The following SRSF4 variants were observed in gnomAD, a reference collection of about 807,000 sequenced individuals.
The protein encoded by SRSF4 is serine/arginine-rich splicing factor 4.
SRSF4 carries 12 observed loss-of-function variants against 48.8 expected under a neutral mutation model. That is an observed-to-expected ratio of 0.25 (90% CI 0.16 to 0.40). The LOEUF is 0.40. Among genes scored for constraint, SRSF4 ranks in the 10% least tolerant of loss-of-function variants. The pLI is 1.00. For synonymous variants in SRSF4, 248 were observed against 232.5 expected, an observed-to-expected ratio of 1.07 and a Z score of -0.61; for missense variants, 466 against 667.1, an observed-to-expected ratio of 0.70 and a Z score of 3.32.
At chr1:29,170,686 T>C (rs1672734170) in intron 1 of SRSF4, 1 of 152,228 alleles carries the variant, frequency 6.6e-6, no homozygotes, top group Admixed American at 6.5e-5. Context: ...TCATTTCAAT[T>C]ACATGAAAAC....
chr1:29,155,054 A>G (rs1407070167), intron 3 of SRSF4, 144 bp from the exon 4 acceptor site: 7 of 741,568 alleles, frequency 9.4e-6, no homozygotes, highest in African/African-American at 7.1e-5. Flanking sequence ...CTACCCATCA[A>G]TCATGTACTG....
rs371486196 is a variant in SRSF4, at chr1:29,154,676, A to G, written c.578+20T>C. The G allele has an allele frequency of 2.4e-5, 38 of 1,611,932 alleles. No individual in the cohort carries two copies. In the African/African-American group the frequency reaches 4.8e-4, roughly 20 times the overall value. ...ATGAATTTATGATGAGCTCCAACAC[A>G]CAAAAGACATCAACAGTACCTTGAA... On this transcript the variant is annotated intron_variant, in intron 4 of 5. Coordinates refer to ENST00000373795, the MANE Select transcript of SRSF4 (RefSeq NM_005626.5).
chr1:29,166,892 C>G (rs1672676766), intron 1 of SRSF4: 1 of 152,268 alleles, frequency 6.6e-6, no homozygotes, highest in African/African-American at 2.4e-5. Context: ...ACAGCTCAGT[C>G]TGCACTTGAT....
intron 1 of SRSF4, among the ~76,000 whole-genome samples, chr1:29,177,637 G>A (rs1672890183): frequency 6.6e-6 from 1 of 151,970 alleles, no homozygotes; most frequent in South Asian, 2.1e-4. Flanking sequence ...GACCTTAATG[G>A]GAAATGGAAT....
intron 1 of SRSF4, among the ~76,000 whole-genome samples, chr1:29,173,739 C>T (rs369400014): frequency 6.6e-5 from 10 of 151,468 alleles, no homozygotes; most frequent in Admixed American, 2.6e-4. Context: ...TGTGAGCCAC[C>T]GCACCTGGTC....
At chr1:29,170,528 C>G (rs1289700969) in intron 1 of SRSF4, 1 of 152,204 alleles carries the variant, frequency 6.6e-6, no homozygotes, top group East Asian at 1.9e-4. Context: ...CTCATAATCG[C>G]CCCTGGTCCC....
chr1:29,161,087 C>T (rs929678742), intron 1 of SRSF4, among the ~76,000 whole-genome samples: 1 of 152,150 alleles, frequency 6.6e-6, no homozygotes, highest in African/African-American at 2.4e-5. Flanking sequence ...AAATTCATTT[C>T]CATGAAGTTT....
At chr1:29,159,545 A>C in intron 2 of SRSF4, 59 bp from the exon 3 acceptor site, 1 of 1,168,548 alleles carries the variant, frequency 8.6e-7, no homozygotes, top group Non-Finnish European at 1.3e-6. Context: ...AAAAAATGAC[A>C]CAGCACACAC....
At chr1:29,174,193 CA>C (rs773224579) in intron 1 of SRSF4, among the ~76,000 whole-genome samples, 60 of 78,858 alleles carry the variant, frequency 7.6e-4, no homozygotes, top group Admixed American at 7.6e-4. Flanking sequence ...GACCCCATCT[CA>C]AAAAAAAAAA....
intron 2 of SRSF4, 68 bp downstream of exon 2, chr1:29,160,307 A>G (rs2151815978): frequency 1.3e-6 from 2 of 1,493,034 alleles, no homozygotes; most frequent in East Asian, 4.9e-5. Context: ...ATATCAATTA[A>G]TTACTTTAAA....
Position 29,181,831 on chromosome 1 carries a change from G to C in SRSF4, c.-79C>G. 1 of 1,177,256 alleles carries C rather than the reference G, an allele frequency of 8.5e-7. No homozygotes were observed. The highest frequency in any genetic ancestry group is 1.1e-6 in the Non-Finnish European group (1 of 904,318). The allele number at this position is 1,177,256 out of a possible 1,614,324, so 72.9% of individuals were successfully genotyped here. A position where few individuals can be genotyped will look rare whatever the true frequency, so the allele number is the denominator to read the frequency against. On this transcript the variant is annotated 5_prime_UTR_variant, in exon 1 of 6. Coordinates refer to ENST00000373795, the MANE Select transcript of SRSF4 (RefSeq NM_005626.5). ...CGGGCAAAGCGAGAGCACGGCGGCA[G>C]CGGCGGCGGCGGCAACGGGCGGGCG...
intron 1 of SRSF4, chr1:29,171,853 G>C (rs1050049708): frequency 5.3e-5 from 8 of 152,128 alleles, no homozygotes; most frequent in Non-Finnish European, 1.0e-4. Context: ...CAATGAGAAA[G>C]GAGGAGCAAA....
intron 1 of SRSF4, among the ~76,000 whole-genome samples, chr1:29,165,225 T>C (rs1672655063): frequency 6.6e-6 from 1 of 152,214 alleles, no homozygotes. Context: ...GACAGGTATC[T>C]GGATACCACA....
intron 1 of SRSF4, chr1:29,172,399 C>G (rs1672757393): frequency 6.6e-6 from 1 of 152,346 alleles, no homozygotes; most frequent in East Asian, 1.9e-4. Flanking sequence ...TCAAGCGGTT[C>G]TCCTGCCTCA....
At chr1:29,172,274 TTGG>T (rs1336109220) in intron 1 of SRSF4, 1 of 152,182 alleles carries the variant, frequency 6.6e-6, no homozygotes, top group East Asian at 1.9e-4. Flanking sequence ...TATTTTTCAC[TTGG>T]TAAATTAGCA....
chr1:29,161,998 GTCTC>G (rs1204679154), intron 1 of SRSF4, among the ~76,000 whole-genome samples: 4 of 152,192 alleles, frequency 2.6e-5, no homozygotes, highest in Non-Finnish European at 4.4e-5. Flanking sequence ...TCATACAACA[GTCTC>G]TCAAGGTGAC....
intron 1 of SRSF4, among the ~76,000 whole-genome samples, chr1:29,180,360 T>C (rs1017524695): frequency 3.9e-5 from 6 of 152,238 alleles, no homozygotes; most frequent in African/African-American, 1.4e-4. Flanking sequence ...AAGGAGTAGT[T>C]TTTAAAGCCT....
rs537577750 is a variant in SRSF4, at chr1:29,174,338, G to C, written c.107+7308C>G. Among the ~76,000 whole-genome samples, 4 of 152,286 alleles carry C rather than the reference G, an allele frequency of 2.6e-5. No individual in the cohort carries two copies. In the South Asian group the frequency reaches 8.3e-4, roughly 32 times the overall value. On this transcript the variant is annotated intron_variant, in intron 1 of 5. Coordinates refer to ENST00000373795, the MANE Select transcript of SRSF4 (RefSeq NM_005626.5). ...CTTTGACTCCCAAAGTCTACTTGCA[G>C]GAATCTGCCCTAAGGCAAAAAGAAA...
chr1:29,162,658 T>G (rs1672616768), intron 1 of SRSF4, among the ~76,000 whole-genome samples: 1 of 152,196 alleles, frequency 6.6e-6, no homozygotes. Context: ...CTGGGCGTGA[T>G]GGAATGGCCT....
Sources: gnomAD v4.1 joint callset for allele counts (sites outside exome capture counted in the v4.1 genomes callset) on GRCh38, gnomAD v4.1.1 for gene constraint, MANE v1.5 for transcripts, NCBI Gene and HGNC (gene_info 2026-07-23, HGNC 2026-07-21) for gene names.